Variants in RTF2 observed in about 807,000 individuals in gnomAD.
RTF2 encodes the protein UPF0549 protein C20orf43.
RTF2 carries 18 observed loss-of-function variants against 38.0 expected under a neutral mutation model. The observed-to-expected ratio is 0.47, with a 90% CI of 0.33 to 0.70. The LOEUF is 0.70. RTF2 is among the 30% of genes least tolerant of loss of function. The pLI is 0.02. For synonymous variants in RTF2, 126 were observed against 137.1 expected (o/e 0.92, Z 0.57); for missense variants, 311 against 379.6 (o/e 0.82, Z 1.50).
At chr20:56,505,077 A>T in intron 5 of RTF2, among the ~76,000 whole-genome samples, 1 of 152,108 alleles carries the variant, frequency 6.6e-6, no homozygotes, top group East Asian at 1.9e-4. Flanking sequence ...TAAGGTTCTG[A>T]TTTGATCTAG....
Position 56,477,020 on chromosome 20 carries a change from C to G in RTF2, c.294C>G (p.Ala98=). 1 of 1,613,992 alleles carries G rather than the reference C, an allele frequency of 6.2e-7. No individual in the cohort carries two copies. Among genetic ancestry groups the G allele is most frequent in the Non-Finnish European group, 8.5e-7 (1 of 1,179,926 alleles). Residue 98 remains alanine, a synonymous_variant, in exon 4 of 9, where the codon GCC becomes GCG. Coordinates refer to ENST00000357348, the MANE Select transcript of RTF2 (RefSeq NM_016407.5). ...AGCTGAAGCTTTCTGATAATCCTGC[C>G]TGGGAAGGGGATAAAGGAAACACTA... ...VTELKLSDNP[A]WEGDKGNTKG... is the part of the protein sequence containing the mutation.
At chr20:56,497,453 C>T (rs1568702686) in intron 5 of RTF2, 1 of 1,529,984 alleles carries the variant, frequency 6.5e-7, no homozygotes. Flanking sequence ...AAGCGGAACA[C>T]AGTTCATCTG....
rs747829400 is a variant in RTF2 at position 56,474,662 on chromosome 20, ATACT to A, written c.165-11_165-8del. ...AGTCGCTTGTTGACATAATATTCTA[ATACT>A]TACTATTGCAGACTTTATAACAAAG... On this transcript the variant is annotated splice_polypyrimidine_tract_variant and intron_variant, in intron 2 of 8. Transcript: ENST00000357348. The A allele has an allele frequency of 8.4e-6, 13 of 1,541,926 alleles. No homozygotes were observed. In the South Asian group the frequency reaches 1.2e-4, roughly 14 times the overall value.
chr20:56,514,448 C>G (rs1677025032), intron 6 of RTF2: 1 of 152,064 alleles, frequency 6.6e-6, no homozygotes, highest in Admixed American at 6.5e-5. Flanking sequence ...AAAATTAGCT[C>G]CAGTAGGCTG....
intron 5 of RTF2, among the ~76,000 whole-genome samples, chr20:56,490,993 C>T (rs1345674813): frequency 6.6e-6 from 1 of 152,210 alleles, no homozygotes; most frequent in African/African-American, 2.4e-5. Context: ...TAGGAGACGA[C>T]ATGTCAAGAC....
At chr20:56,498,043 G>C (rs545236661) in intron 5 of RTF2, among the ~76,000 whole-genome samples, 164 of 152,276 alleles carry the variant, frequency 1.1e-3, no homozygotes, top group South Asian at 7.0e-3. Flanking sequence ...TTAGTTCCCT[G>C]TAGTTTTACT....
At chr20:56,500,334 G>C (rs754518732) in intron 5 of RTF2, among the ~76,000 whole-genome samples, 1 of 152,216 alleles carries the variant, frequency 6.6e-6, no homozygotes, top group East Asian at 1.9e-4. Context: ...GATTACAGGC[G>C]TGAGCCACCT....
chr20:56,514,164 G>A (rs950530985), intron 6 of RTF2: 2 of 152,154 alleles, frequency 1.3e-5, no homozygotes, highest in Non-Finnish European at 2.9e-5. Context: ...AGAAGGGAGC[G>A]TGGTATCCAG....
chr20:56,474,209 A>G (rs1003888369), intron 2 of RTF2, among the ~76,000 whole-genome samples: 33 of 152,148 alleles, frequency 2.2e-4, no homozygotes, highest in Admixed American at 3.9e-4. Context: ...GGCTGGACCC[A>G]TTGGCTCATG....
At position 56,516,723 on chromosome 20, in the gene RTF2, G is replaced by A. The variant is rs187827550; in HGVS notation, c.592-212G>A. Reference sequence around the variant, plus strand: ...AGCAGCTCTGTGCAGATACATTTTTGTGTGAGGCAGAAGTGCATGACTGGT... The same window carrying A: ...AGCAGCTCTGTGCAGATACATTTTTATGTGAGGCAGAAGTGCATGACTGGT... On this transcript the variant is annotated intron_variant, in intron 6 of 8. Transcript: ENST00000357348. The A allele has an allele frequency of 5.2e-5, 31 of 598,862 alleles. No homozygotes were observed. In the African/African-American group the frequency reaches 5.7e-4, roughly 11 times the overall value. 37.1% of individuals were successfully genotyped at this position (598,862 alleles called of 1,614,324 possible).
At chr20:56,490,902 T>C (rs1356992068) in intron 5 of RTF2, among the ~76,000 whole-genome samples, 2 of 152,242 alleles carry the variant, frequency 1.3e-5, no homozygotes, top group Non-Finnish European at 2.9e-5. Context: ...CCAGCCATGT[T>C]TCCAATGCCC....
chr20:56,507,860 A>G (rs1301477808), intron 5 of RTF2, among the ~76,000 whole-genome samples: 3 of 152,198 alleles, frequency 2.0e-5, no homozygotes, highest in African/African-American at 7.2e-5. Context: ...TCCAAGGAAG[A>G]GACCATCTTC....
intron 5 of RTF2, among the ~76,000 whole-genome samples, chr20:56,502,890 C>T (rs1032401652): frequency 2.6e-5 from 4 of 152,146 alleles, no homozygotes; most frequent in Admixed American, 6.5e-5. Flanking sequence ...CTAGCACTTA[C>T]GAGTCTGTTG....
Position 56,484,181 on chromosome 20 carries a change from T to C in RTF2, c.469T>C (p.Cys157Arg). The part of the protein sequence containing the change: ...RALKEIKAEV[C>R]HTCGAAFQED... ...CTTGAAAGAGATAAAAGCGGAAGTTTGCCACACGGTGAGTTCCTGACATGT... is the reference window on the plus strand; with the variant it reads ...CTTGAAAGAGATAAAAGCGGAAGTTCGCCACACGGTGAGTTCCTGACATGT... The change falls in exon 5 of 9, where the codon TGC (cysteine) becomes CGC (arginine). Residue 157 changes from cysteine to arginine, a missense_variant. Transcript: ENST00000357348. 1 of 1,613,664 alleles carries C rather than the reference T, an allele frequency of 6.2e-7. No individual in the cohort carries two copies. The highest frequency in any genetic ancestry group is 1.1e-5 in the South Asian group (1 of 91,070).
At chr20:56,470,666 G>C (rs1162231742) in intron 1 of RTF2, 1 of 455,992 alleles carries the variant, frequency 2.2e-6, no homozygotes, top group Admixed American at 2.3e-5. Context: ...TTAGAAGCCT[G>C]GAACTTTCAG....
intron 5 of RTF2, chr20:56,491,869 G>T: frequency 1.1e-6 from 1 of 924,484 alleles, no homozygotes; most frequent in Non-Finnish European, 1.7e-6. Flanking sequence ...GCTCCGTCCG[G>T]TGTCAGTGGT....
chr20:56,517,053 T>G (rs1985088976), intron 7 of RTF2, 53 bp from the exon 8 acceptor site: 1 of 1,609,236 alleles, frequency 6.2e-7, no homozygotes, highest in African/African-American at 1.3e-5. Context: ...TGCTAATATG[T>G]TCATGCTTTG....
intron 5 of RTF2, among the ~76,000 whole-genome samples, chr20:56,512,010 G>C (rs1788577345): frequency 6.6e-6 from 1 of 152,024 alleles, no homozygotes; most frequent in African/African-American, 2.4e-5. Context: ...ACCATACACA[G>C]TTTTTGTATT....
intron 5 of RTF2, among the ~76,000 whole-genome samples, chr20:56,498,904 A>T (rs1435121310): frequency 1.3e-5 from 2 of 152,210 alleles, no homozygotes; most frequent in Non-Finnish European, 1.5e-5. Context: ...TCATTTTTAC[A>T]AATGCTGTTT....
Sources: gnomAD v4.1 joint callset for allele counts (sites outside exome capture counted in the v4.1 genomes callset) on GRCh38, gnomAD v4.1.1 for gene constraint, MANE v1.5 for transcripts, NCBI Gene and HGNC (gene_info 2026-07-23, HGNC 2026-07-21) for gene names.